The following PKIG variants were observed in gnomAD, a reference collection of about 807,000 sequenced individuals.
PKIG encodes the protein protein kinase (cAMP-dependent, catalytic) inhibitor gamma.
In PKIG, 1 loss-of-function variant was observed where a neutral mutation model predicts 6.8. The observed-to-expected ratio is 0.15, with a 90% CI of 0.05 to 0.69. PKIG has a LOEUF of 0.69. Ranked by LOEUF, PKIG falls within the 30% of genes least tolerant of loss-of-function variation. The probability of loss-of-function intolerance (pLI) is 0.82; values close to 1 mark genes in which losing one functional copy is unlikely to be tolerated. For missense variants in PKIG, 77 were observed against 104.0 expected, an observed-to-expected ratio of 0.74 and a Z score of 1.13; for synonymous variants, 39 against 43.0, an observed-to-expected ratio of 0.91 and a Z score of 0.36.
intron 1 of PKIG, among the ~76,000 whole-genome samples, chr20:44,554,386 A>T (rs2064695505): frequency 6.6e-6 from 1 of 152,170 alleles, no homozygotes; most frequent in Non-Finnish European, 1.5e-5. Context: ...AAGGCCTAAA[A>T]AATTTTTTAA....
chr20:44,602,066 T>G (rs933188424), intron 2 of PKIG, among the ~76,000 whole-genome samples: 10 of 152,214 alleles, frequency 6.6e-5, no homozygotes, highest in Non-Finnish European at 1.5e-4. Flanking sequence ...GGCTTCACCC[T>G]TTGTCCTGGG....
chr20:44,580,571 C>T (rs781290390), upstream of PKIG, among the ~76,000 whole-genome samples: 1 of 152,042 alleles, frequency 6.6e-6, no homozygotes, highest in Non-Finnish European at 1.5e-5. Context: ...TGGTCTCAAA[C>T]TCCTGAGCTC....
chr20:44,583,496 C>T (rs963199724), intron 1 of PKIG, among the ~76,000 whole-genome samples: 1 of 141,474 alleles, frequency 7.1e-6, no homozygotes, highest in African/African-American at 2.9e-5. Flanking sequence ...TTGGTGGGTC[C>T]CTGAACTGAG....
rs1310654914 is a variant in PKIG at position 44,618,298 on chromosome 20, G to A, written c.165G>A (p.Glu55=). 15 of 1,612,212 alleles carry A rather than the reference G, an allele frequency of 9.3e-6. No individual in the cohort carries two copies. Among genetic ancestry groups the A allele is most frequent in the Non-Finnish European group, 1.3e-5 (15 of 1,178,370 alleles). ...TCTCCTCTCCAGAAGGACAGGTGGA[G>A]GGAAGCGCCCCAGACAAGGAAGCTG... is the stretch of plus-strand genomic sequence containing the variant. ...LALEGAEGQV[E]GSAPDKEAGN... Residue 55 remains glutamate (E), a synonymous_variant, in exon 4 of 4, where the codon GAG becomes GAA. Coordinates refer to ENST00000372886, the MANE Select transcript of PKIG (RefSeq NM_001281445.2).
chr20:44,537,581 CTT>C (rs1218503545), intron 1 of PKIG, among the ~76,000 whole-genome samples: 9 of 142,148 alleles, frequency 6.3e-5, no homozygotes, highest in Admixed American at 1.4e-4. Flanking sequence ...AATATACTTA[CTT>C]TTTTTTTTTT....
Position 44,610,500 on chromosome 20 carries a change from TCACA to T in PKIG, c.-23-4008_-23-4005del, listed in dbSNP as rs559846553. Among the ~76,000 whole-genome samples, 327 of 135,484 alleles carry T rather than the reference TCACA, an allele frequency of 2.4e-3. 8 individuals carry two copies. The highest frequency in any genetic ancestry group is 3.8e-3 in the Middle Eastern group (1 of 266). 88.9% of individuals were successfully genotyped at this position (135,484 alleles called of 152,430 possible). On this transcript the variant is annotated intron_variant, in intron 2 of 3. Transcript: ENST00000372886. ...TCTCTCTCTCTTCTCTCTCTCTCTC[TCACA>T]CACACACACACACACACACACACAC... is the stretch of plus-strand genomic sequence containing the variant.
chr20:44,536,565 TG>T (rs2064514356), intron 1 of PKIG, among the ~76,000 whole-genome samples: 1 of 151,802 alleles, frequency 6.6e-6, no homozygotes, highest in South Asian at 2.1e-4. Context: ...TGGCCTCTGG[TG>T]GGAAGGGGCA....
chr20:44,596,154 T>C (rs1484581363), intron 2 of PKIG, among the ~76,000 whole-genome samples: 2 of 152,176 alleles, frequency 1.3e-5, no homozygotes, highest in East Asian at 1.9e-4. Flanking sequence ...TTGGAATCAG[T>C]TGGAATGGCA....
At chr20:44,543,978 C>G (rs1600838586) in intron 1 of PKIG, among the ~76,000 whole-genome samples, 1 of 151,440 alleles carries the variant, frequency 6.6e-6, no homozygotes, top group Admixed American at 6.6e-5. Context: ...GCAGGAGAAT[C>G]GCTTGAACCT....
chr20:44,560,357 G>A (rs2064756096), intron 1 of PKIG, among the ~76,000 whole-genome samples: 1 of 152,154 alleles, frequency 6.6e-6, no homozygotes, highest in African/African-American at 2.4e-5. Flanking sequence ...AAGTGAACTG[G>A]CTTTTAACTT....
At chr20:44,551,710 T>C (rs1237132982) in intron 1 of PKIG, among the ~76,000 whole-genome samples, 3 of 152,222 alleles carry the variant, frequency 2.0e-5, no homozygotes, top group Non-Finnish European at 2.9e-5. Flanking sequence ...TTGACTTGAC[T>C]GGTCTTCTGC....
At chr20:44,584,767 T>A (rs2064976386) in intron 1 of PKIG, among the ~76,000 whole-genome samples, 1 of 151,576 alleles carries the variant, frequency 6.6e-6, no homozygotes, top group South Asian at 2.1e-4. Context: ...TCTCCCAGGC[T>A]GGAGTGCAAT....
chr20:44,536,055 T>C (rs1022020265), intron 1 of PKIG, among the ~76,000 whole-genome samples: 1 of 152,248 alleles, frequency 6.6e-6, no homozygotes, highest in Non-Finnish European at 1.5e-5. Context: ...TAGTGGAATC[T>C]TGCATTATTT....
rs1187672119 is a variant in PKIG, at chr20:44,618,316, G to C, written c.183G>C (p.Lys61Asn). ...AGGTGGAGGGAAGCGCCCCAGACAA[G>C]GAAGCTGGCAACCAGCCCCAGAGCA... ...EGQVEGSAPDKEAGNQPQSSD... is the reference protein window; with the variant it reads ...EGQVEGSAPDNEAGNQPQSSD... Residue 61 changes from lysine to asparagine, a missense_variant, in exon 4 of 4, where the codon AAG becomes AAC. Transcript: ENST00000372886. 4 of 1,613,624 alleles carry C rather than the reference G, an allele frequency of 2.5e-6. No individual in the cohort carries two copies. Among genetic ancestry groups the C allele is most frequent in the Non-Finnish European group, 3.4e-6 (4 of 1,179,502 alleles).
chr20:44,534,777 C>T (rs779328347), intron 1 of PKIG, among the ~76,000 whole-genome samples: 16 of 151,902 alleles, frequency 1.1e-4, no homozygotes, highest in Non-Finnish European at 1.6e-4. Flanking sequence ...CCTCATGCAC[C>T]GTTCTTAATG....
At chr20:44,534,229 A>G (rs2064493002) in intron 1 of PKIG, among the ~76,000 whole-genome samples, 1 of 152,206 alleles carries the variant, frequency 6.6e-6, no homozygotes, top group African/African-American at 2.4e-5. Flanking sequence ...AATTGATAGT[A>G]TAACTTTCCT....
upstream of PKIG, among the ~76,000 whole-genome samples, chr20:44,579,927 G>C (rs2064933297): frequency 6.6e-6 from 1 of 152,100 alleles, no homozygotes; most frequent in Admixed American, 6.5e-5. Context: ...CCAAACAATA[G>C]CCCTGACCTC....
chr20:44,562,954 G>A (rs2064780484), intron 1 of PKIG, among the ~76,000 whole-genome samples: 1 of 152,118 alleles, frequency 6.6e-6, no homozygotes, highest in East Asian at 1.9e-4. Context: ...GGAGACTGAA[G>A]CAGGAGAATC....
intron 1 of PKIG, among the ~76,000 whole-genome samples, chr20:44,557,395 G>T (rs1449994750): frequency 6.6e-6 from 1 of 151,700 alleles, no homozygotes; most frequent in African/African-American, 2.4e-5. Context: ...GTGTGGTGGC[G>T]AGCGCCTGTA....
Sources: gnomAD v4.1 joint callset for allele counts (sites outside exome capture counted in the v4.1 genomes callset) on GRCh38, gnomAD v4.1.1 for gene constraint, MANE v1.5 for transcripts, NCBI Gene and HGNC (gene_info 2026-07-23, HGNC 2026-07-21) for gene names.